NAALADL2: variants seen among roughly 807,000 people sequenced by gnomAD.
The protein encoded by NAALADL2 is N-acetylated alpha-linked acidic dipeptidase like 2, also known as inactive N-acetylated-alpha-linked acidic dipeptidase-like protein 2.
A neutral mutation model predicts 87.2 loss-of-function variants in NAALADL2; 76 were observed. The observed-to-expected ratio is 0.87, with a 90% CI of 0.72 to 1.05. NAALADL2 has a LOEUF of 1.05. Among genes scored for constraint, NAALADL2 ranks in the 50% least tolerant of loss-of-function variants. The pLI is 0.00. For synonymous variants in NAALADL2, 354 were observed against 331.0 expected (o/e 1.07, Z -0.75); for missense variants, 1,089 against 945.8 (o/e 1.15, Z -1.99).
At chr3:174,582,488 T>C (rs1277787400) in intron 2 of NAALADL2, among the ~76,000 whole-genome samples, 2 of 152,246 alleles carry the variant, frequency 1.3e-5, no homozygotes, top group Non-Finnish European at 2.9e-5. Context: ...AATGAAGGAT[T>C]CTTATTGGAT....
At chr3:174,832,165 T>C (rs2109375104) in intron 3 of NAALADL2, among the ~76,000 whole-genome samples, 1 of 152,294 alleles carries the variant, frequency 6.6e-6, no homozygotes, top group Non-Finnish European at 1.5e-5. Flanking sequence ...TGAATGTGTT[T>C]GCTCTTGCTT....
At chr3:175,514,867 T>G (rs1280274624) in intron 9 of NAALADL2, among the ~76,000 whole-genome samples, 1 of 152,200 alleles carries the variant, frequency 6.6e-6, no homozygotes, top group East Asian at 1.9e-4. Flanking sequence ...CAGTTAGGAT[T>G]TTGATATTTT....
At chr3:175,435,851 C>CTTT (rs35378819) in intron 5 of NAALADL2, among the ~76,000 whole-genome samples, 5 of 144,864 alleles carry the variant, frequency 3.5e-5, no homozygotes, top group East Asian at 2.0e-4. Context: ...CTGTGTAGTA[C>CTTT]TTTTTTTTTT....
chr3:175,627,941 G>C (rs555609821), intron 11 of NAALADL2, among the ~76,000 whole-genome samples: 1 of 144,402 alleles, frequency 6.9e-6, no homozygotes, highest in Admixed American at 7.3e-5. Flanking sequence ...TAAGGTACTT[G>C]TTTATGATAA....
At chr3:175,137,811 A>G (rs531870503) in intron 2 of NAALADL2, among the ~76,000 whole-genome samples, 2 of 151,814 alleles carry the variant, frequency 1.3e-5, no homozygotes, top group South Asian at 4.2e-4. Flanking sequence ...TTTAATAGAG[A>G]TGGGGTTTCG....
At chr3:174,564,801 A>G (rs1417275915) in intron 2 of NAALADL2, among the ~76,000 whole-genome samples, 1 of 151,650 alleles carries the variant, frequency 6.6e-6, no homozygotes, top group Non-Finnish European at 1.5e-5. Flanking sequence ...GTATTTGGGT[A>G]TTTCAGATTT....
intron 9 of NAALADL2, among the ~76,000 whole-genome samples, chr3:175,525,183 G>A (rs1456005633): frequency 6.6e-6 from 1 of 151,992 alleles, no homozygotes; most frequent in Non-Finnish European, 1.5e-5. Flanking sequence ...TCTGGTTAAT[G>A]TTATCTAATT....
At chr3:174,922,934 C>T (rs1560368609) in intron 1 of NAALADL2, among the ~76,000 whole-genome samples, 2 of 152,100 alleles carry the variant, frequency 1.3e-5, no homozygotes, top group East Asian at 1.9e-4. Flanking sequence ...AAGTCTTCAA[C>T]GATTCTCCAT....
At chr3:175,102,057 T>A (rs1382453097) in intron 2 of NAALADL2, among the ~76,000 whole-genome samples, 1 of 152,194 alleles carries the variant, frequency 6.6e-6, no homozygotes, top group Non-Finnish European at 1.5e-5. Context: ...TAGAATTTTT[T>A]AAATTAAAAT....
At chr3:174,584,548 G>A (rs1271943494) in intron 2 of NAALADL2, among the ~76,000 whole-genome samples, 1 of 152,092 alleles carries the variant, frequency 6.6e-6, no homozygotes, top group Non-Finnish European at 1.5e-5. Context: ...TTGCTTTTAT[G>A]TGAAAATTTA....
rs185903846 is a variant in NAALADL2, at chr3:174,751,740, T to A, written c.-9+13994T>A. On this transcript the variant is annotated intron_variant, in intron 3 of 3. Transcript: ENST00000434257. ...AATTCTTGGAGTAAAGCTCACTTGA[T>A]CATGATGCATATCTAATAACTTTCA... Among the ~76,000 whole-genome samples the A allele has an allele frequency of 2.0e-3, 297 of 152,204 alleles. 2 individuals carry two copies. The highest frequency in any genetic ancestry group is 6.9e-3 in the African/African-American group (288 of 41,554).
chr3:175,117,573 C>G (rs569982806), intron 2 of NAALADL2, among the ~76,000 whole-genome samples: 1 of 150,814 alleles, frequency 6.6e-6, no homozygotes, highest in Non-Finnish European at 1.5e-5. Context: ...GAGGTACCAT[C>G]TCACACCAGT....
intron 11 of NAALADL2, among the ~76,000 whole-genome samples, chr3:175,696,591 G>T (rs1042418377): frequency 1.1e-4 from 16 of 151,932 alleles, no homozygotes; most frequent in African/African-American, 3.9e-4. Context: ...GTGTTTGTGA[G>T]ATGTGAAAGA....
chr3:174,648,492 A>G (rs1724032577), intron 2 of NAALADL2, among the ~76,000 whole-genome samples: 1 of 152,160 alleles, frequency 6.6e-6, no homozygotes, highest in Non-Finnish European at 1.5e-5. Flanking sequence ...TGTAAACAAA[A>G]ATCTATGCTA....
At chr3:174,802,746 C>T (rs1718989263) in intron 3 of NAALADL2, among the ~76,000 whole-genome samples, 1 of 152,100 alleles carries the variant, frequency 6.6e-6, no homozygotes, top group Non-Finnish European at 1.5e-5. Context: ...TGTTTTCTGT[C>T]CTTGTGACAG....
chr3:174,794,981 C>CTTTTTTTTTTTTT lies in NAALADL2; in HGVS notation c.-9+57250_-9+57262dup, dbSNP rs772447340. Among the ~76,000 whole-genome samples, 17 of 66,706 alleles carry CTTTTTTTTTTTTT rather than the reference C, an allele frequency of 2.5e-4. 3 individuals are homozygous for CTTTTTTTTTTTTT. Among genetic ancestry groups the CTTTTTTTTTTTTT allele is most frequent in the African/African-American group, 5.3e-4 (9 of 16,902 alleles). The allele number at this position is 66,706 out of a possible 152,430, so 43.8% of individuals were successfully genotyped here. The stretch of plus-strand genomic sequence containing the variant: ...TTAAAAGTTGAAACTTCTAGTCCAG[C>CTTTTTTTTTTTTT]TTTTTTTTTTTTTTTTTTTTTTTTT... On this transcript the variant is annotated intron_variant, in intron 3 of 3. Transcript: ENST00000434257.
At chr3:175,772,662 A>C (rs1241146015) in intron 13 of NAALADL2, among the ~76,000 whole-genome samples, 2 of 152,186 alleles carry the variant, frequency 1.3e-5, no homozygotes, top group Non-Finnish European at 1.5e-5. Context: ...TCCGTCTTTG[A>C]TCTCAGAGAC....
At chr3:175,124,271 A>G (rs1726590387) in intron 2 of NAALADL2, 1 of 152,034 alleles carries the variant, frequency 6.6e-6, no homozygotes, top group African/African-American at 2.4e-5. Flanking sequence ...TTCAGTTAAC[A>G]TTGGCTTAGA....
intron 11 of NAALADL2, among the ~76,000 whole-genome samples, chr3:175,703,374 G>A (rs1405889718): frequency 6.6e-6 from 1 of 152,138 alleles, no homozygotes; most frequent in Non-Finnish European, 1.5e-5. Flanking sequence ...TTACTAGTCT[G>A]AGGAGAGACT....
Sources: gnomAD v4.1 joint callset for allele counts (sites outside exome capture counted in the v4.1 genomes callset) on GRCh38, gnomAD v4.1.1 for gene constraint, MANE v1.5 for transcripts, NCBI Gene and HGNC (gene_info 2026-07-23, HGNC 2026-07-21) for gene names.